TFEC: variants seen among roughly 807,000 people sequenced by gnomAD.
The protein encoded by TFEC is transcription factor EC, also known as class E basic helix-loop-helix protein 34.
A neutral mutation model predicts 41.6 loss-of-function variants in TFEC; 31 were observed. The ratio of observed to expected loss-of-function variants is 0.74; its 90% CI spans 0.56 to 1.01. The LOEUF (loss-of-function observed/expected upper bound fraction) is 1.01. TFEC is among the 50% of genes least tolerant of loss of function. The pLI is 0.00. For synonymous variants in TFEC, 143 were observed against 140.6 expected, an observed-to-expected ratio of 1.02 and a Z score of -0.12; for missense variants, 402 against 404.1, an observed-to-expected ratio of 0.99 and a Z score of 0.04.
chr7:115,978,607 A>T (rs1269509790), intron 2 of TFEC, among the ~76,000 whole-genome samples: 17 of 152,108 alleles, frequency 1.1e-4, no homozygotes. Context: ...TCCACCTTCT[A>T]TTAACTCTGA....
Position 116,002,888 on chromosome 7 carries a change from A to G in TFEC, c.-72-18375T>C, listed in dbSNP as rs191091344. Reference sequence around the variant, plus strand: ...TATTGCAAACTCTAGGGCAACCACTAAATTTTCTTTTAAAGTATAGTATAA... The same window carrying G: ...TATTGCAAACTCTAGGGCAACCACTGAATTTTCTTTTAAAGTATAGTATAA... On this transcript the variant is annotated intron_variant, in intron 1 of 7. Transcript: ENST00000265440. Among the ~76,000 whole-genome samples, 87 of 152,308 alleles carry G rather than the reference A, an allele frequency of 5.7e-4. 3 individuals carry two copies. In the South Asian group the frequency reaches 0.012, roughly 21 times the overall value.
At chr7:116,014,945 A>G (rs1795135004) in intron 1 of TFEC, among the ~76,000 whole-genome samples, 1 of 152,118 alleles carries the variant, frequency 6.6e-6, no homozygotes, top group Non-Finnish European at 1.5e-5. Flanking sequence ...CCCTCCTGAT[A>G]CTTTGATTTT....
intron 3 of TFEC, among the ~76,000 whole-genome samples, chr7:116,036,258 C>T (rs1261802692): frequency 6.6e-6 from 1 of 151,960 alleles, no homozygotes; most frequent in African/African-American, 2.4e-5. Context: ...AGATGTTTCC[C>T]AGGCAGAGAG....
chr7:116,132,731 G>T (rs9690159), intron 1 of TFEC, among the ~76,000 whole-genome samples: 2,777 of 152,270 alleles, frequency 0.018, 92 homozygotes, highest in African/African-American at 0.062. Flanking sequence ...GAGACACCTC[G>T]GGAACTATAG....
At chr7:115,960,601 A>G (rs1449853572) in intron 3 of TFEC, among the ~76,000 whole-genome samples, 2 of 151,654 alleles carry the variant, frequency 1.3e-5, no homozygotes, top group Admixed American at 6.6e-5. Context: ...AAAGGATGTG[A>G]AAGTGGTAAG....
chr7:115,947,722 T>A (rs1231962417), intron 6 of TFEC, among the ~76,000 whole-genome samples: 7 of 149,890 alleles, frequency 4.7e-5, no homozygotes, highest in Non-Finnish European at 8.9e-5. Flanking sequence ...TGTCTTCTTT[T>A]GAGAAGTGTC....
rs895065320 is a variant in TFEC, at chr7:115,985,410, T to A, written c.-72-897A>T. Among the ~76,000 whole-genome samples, 33 of 152,276 alleles carry A rather than the reference T, an allele frequency of 2.2e-4. 1 individual carries two copies. Among genetic ancestry groups the A allele is most frequent in the Non-Finnish European group, 4.4e-5 (3 of 67,986 alleles). The stretch of plus-strand genomic sequence containing the variant: ...AGTAGTCTTTATATTTACTGTGCTA[T>A]TCTGTGGCTTCTAATACATTTTTCT... On this transcript the variant is annotated intron_variant, in intron 1 of 7. Transcript: ENST00000265440.
At chr7:116,069,012 T>C (rs1263346189) in intron 3 of TFEC, among the ~76,000 whole-genome samples, 1 of 151,702 alleles carries the variant, frequency 6.6e-6, no homozygotes, top group Non-Finnish European at 1.5e-5. Flanking sequence ...TCTTTAAGAT[T>C]TGTCAAATTT....
chr7:116,102,873 T>C (rs1032877575), intron 3 of TFEC, among the ~76,000 whole-genome samples: 1 of 152,160 alleles, frequency 6.6e-6, no homozygotes, highest in Non-Finnish European at 1.5e-5. Flanking sequence ...TGTAGGTTGT[T>C]AGCATTTACA....
intron 3 of TFEC, among the ~76,000 whole-genome samples, chr7:116,099,983 G>A (rs1417578201): frequency 6.6e-6 from 1 of 152,052 alleles, no homozygotes; most frequent in African/African-American, 2.4e-5. Flanking sequence ...GAGTGTTTTG[G>A]AAGAGATTAA....
At chr7:116,111,451 C>T (rs181337305) in intron 2 of TFEC, among the ~76,000 whole-genome samples, 3 of 152,008 alleles carry the variant, frequency 2.0e-5, no homozygotes, top group Non-Finnish European at 4.4e-5. Flanking sequence ...ACAAGTGACC[C>T]ATACATCTCC....
rs527555418 is a variant in TFEC at position 116,142,789 on chromosome 7, T to C, written c.-69+17001A>G. ...CTCTTCCTGAAGTCCATTCTTACCC[T>C]TGGATTTCCTGTATCTTTATAATAA... On this transcript the variant is annotated intron_variant, in intron 1 of 8. Coordinates refer to the TFEC transcript ENST00000484212. 2.6e-5 allele frequency among the ~76,000 whole-genome samples: 4 copies of C among 152,354 alleles called. No homozygotes were observed. In the East Asian group the frequency reaches 7.7e-4, roughly 29 times the overall value.
exon 3 of TFEC, chr7:116,110,801 C>T: frequency 6.5e-7 from 1 of 1,547,998 alleles, no homozygotes; most frequent in Non-Finnish European, 8.7e-7. Context: ...GCATGTGGAA[C>T]TCTGTTCTAT....
chr7:116,134,458 T>C (rs1330104072), intron 1 of TFEC, among the ~76,000 whole-genome samples: 1 of 152,186 alleles, frequency 6.6e-6, no homozygotes, highest in African/African-American at 2.4e-5. Context: ...GAAACATTAC[T>C]ATGCACAGAA....
intron 3 of TFEC, among the ~76,000 whole-genome samples, chr7:116,070,655 A>T (rs540006884): frequency 1.3e-5 from 2 of 151,622 alleles, no homozygotes; most frequent in Non-Finnish European, 1.5e-5. Flanking sequence ...TTTAATATAC[A>T]TCACAATAAA....
At chr7:116,035,012 CA>C (rs1057168715), upstream of TFEC, among the ~76,000 whole-genome samples, 39 of 151,628 alleles carry the variant, frequency 2.6e-4, no homozygotes, top group Admixed American at 2.2e-3. Flanking sequence ...CCATAGACCC[CA>C]TGACCTACCA....
At chr7:116,048,112 A>G (rs1363395603) in intron 3 of TFEC, among the ~76,000 whole-genome samples, 1 of 152,236 alleles carries the variant, frequency 6.6e-6, no homozygotes, top group East Asian at 1.9e-4. Flanking sequence ...CTTGCCAGCA[A>G]TGGAACAAAG....
At chr7:116,025,940 G>T (rs1049737222) in intron 1 of TFEC, among the ~76,000 whole-genome samples, 1 of 152,060 alleles carries the variant, frequency 6.6e-6, no homozygotes. Context: ...CTCTTAAATC[G>T]GATACAGAAA....
At chr7:116,159,493 C>T (rs554354615) in intron 1 of TFEC, among the ~76,000 whole-genome samples, 2 of 152,084 alleles carry the variant, frequency 1.3e-5, no homozygotes, top group South Asian at 4.1e-4. Flanking sequence ...CCATTTTGCA[C>T]AGTCCAAAAA....
Sources: gnomAD v4.1 joint callset for allele counts (sites outside exome capture counted in the v4.1 genomes callset) on GRCh38, gnomAD v4.1.1 for gene constraint, MANE v1.5 for transcripts, NCBI Gene and HGNC (gene_info 2026-07-23, HGNC 2026-07-21) for gene names.